PLEKHG1: variants seen among roughly 807,000 people sequenced by gnomAD.
PLEKHG1 encodes the protein pleckstrin homology domain-containing family G member 1.
In PLEKHG1, 44 loss-of-function variants were observed where a neutral mutation model predicts 100.8. The observed-to-expected ratio is 0.44, with a 90% CI of 0.34 to 0.56. The LOEUF (loss-of-function observed/expected upper bound fraction) is 0.56. Ranked by LOEUF, PLEKHG1 falls within the 20% of genes least tolerant of loss-of-function variation. The pLI is 0.01. For synonymous variants in PLEKHG1, 640 were observed against 662.5 expected, an observed-to-expected ratio of 0.97 and a Z score of 0.52; for missense variants, 1,545 against 1,720.9, an observed-to-expected ratio of 0.90 and a Z score of 1.81.
At chr6:150,742,487 C>A (rs1782921844) in intron 2 of PLEKHG1, among the ~76,000 whole-genome samples, 2 of 139,908 alleles carry the variant, frequency 1.4e-5, no homozygotes, top group African/African-American at 5.3e-5. Context: ...ATCAGTTGAA[C>A]CTGGGAGGCA....
At chr6:150,697,718 T>C (rs992064505) in intron 3 of PLEKHG1, among the ~76,000 whole-genome samples, 18 of 152,224 alleles carry the variant, frequency 1.2e-4, no homozygotes, top group Admixed American at 3.3e-4. Flanking sequence ...AGCCTCCTGC[T>C]GGAAGATTGA....
intron 3 of PLEKHG1, among the ~76,000 whole-genome samples, chr6:150,782,538 T>C (rs1034591415): frequency 1.3e-5 from 2 of 152,232 alleles, no homozygotes; most frequent in African/African-American, 2.4e-5. Context: ...TCCATACTTA[T>C]TGGAAATGCC....
intron 1 of PLEKHG1, among the ~76,000 whole-genome samples, chr6:150,615,368 T>C (rs917407247): frequency 2.6e-5 from 4 of 152,164 alleles, no homozygotes; most frequent in Non-Finnish European, 4.4e-5. Context: ...AACTTTCTAC[T>C]GGAATGTACA....
At chr6:150,705,878 G>T (rs566321796) in intron 3 of PLEKHG1, among the ~76,000 whole-genome samples, 1 of 152,154 alleles carries the variant, frequency 6.6e-6, no homozygotes, top group Non-Finnish European at 1.5e-5. Flanking sequence ...TGGCATGCAG[G>T]GTAGGGCTTC....
At chr6:150,818,251 C>G in intron 11 of PLEKHG1, 35 bp downstream of exon 12, 1 of 1,443,382 alleles carries the variant, frequency 6.9e-7, no homozygotes, top group South Asian at 1.2e-5. Flanking sequence ...TTTGAAATTT[C>G]ATTGTCTGTT....
chr6:150,827,723 C>G (rs1776692804), intron 14 of PLEKHG1: 1 of 1,291,924 alleles, frequency 7.7e-7, no homozygotes, highest in East Asian at 2.3e-5. Context: ...GGGTTTCTTA[C>G]CCGCCAAGGA....
chr6:150,667,190 T>G (rs1355083808), intron 3 of PLEKHG1, among the ~76,000 whole-genome samples: 58 of 152,224 alleles, frequency 3.8e-4, no homozygotes, highest in Admixed American at 3.7e-3. Context: ...ATATTAGGGT[T>G]GGGTCTGCAT....
At chr6:150,688,103 A>G (rs1178593830) in intron 3 of PLEKHG1, among the ~76,000 whole-genome samples, 4 of 152,198 alleles carry the variant, frequency 2.6e-5, no homozygotes, top group Admixed American at 2.6e-4. Flanking sequence ...CCAAAGGATG[A>G]GTGATTATTT....
chr6:150,732,622 T>C (rs1487296720), intron 1 of PLEKHG1, among the ~76,000 whole-genome samples: 1 of 152,242 alleles, frequency 6.6e-6, no homozygotes, highest in African/African-American at 2.4e-5. Context: ...ACATGCTGTT[T>C]GTTGTTTTGT....
At chr6:150,760,011 G>A (rs1269878965) in intron 2 of PLEKHG1, among the ~76,000 whole-genome samples, 1 of 151,998 alleles carries the variant, frequency 6.6e-6, no homozygotes, top group East Asian at 1.9e-4. Flanking sequence ...AAAGAAAAAA[G>A]AGAAACCAAT....
At chr6:150,688,707 G>A (rs1780234048) in intron 3 of PLEKHG1, among the ~76,000 whole-genome samples, 1 of 152,134 alleles carries the variant, frequency 6.6e-6, no homozygotes. Context: ...AATATTCAGA[G>A]CTTTGCAAGG....
At chr6:150,666,821 C>T (rs6557550) in intron 3 of PLEKHG1, among the ~76,000 whole-genome samples, 7,000 of 150,522 alleles carry the variant, frequency 0.047, 542 homozygotes, top group African/African-American at 0.16. Context: ...AGTGCAGTGG[C>T]GCAATCTCGG....
At chr6:150,743,286 C>T (rs1782979759) in intron 2 of PLEKHG1, among the ~76,000 whole-genome samples, 1 of 152,056 alleles carries the variant, frequency 6.6e-6, no homozygotes, top group Non-Finnish European at 1.5e-5. Flanking sequence ...TTGGGACAGC[C>T]AAGGCAGGCA....
chr6:150,761,113 T>C (rs1583073378), intron 2 of PLEKHG1, among the ~76,000 whole-genome samples: 1 of 143,936 alleles, frequency 6.9e-6, no homozygotes, highest in Non-Finnish European at 1.5e-5. Context: ...TTTTTTTTTT[T>C]TTTTTTTTTT....
At chr6:150,795,813 T>C (rs761097720) in intron 4 of PLEKHG1, 43 bp from the exon 6 acceptor site, 3 of 1,167,622 alleles carry the variant, frequency 2.6e-6, no homozygotes. Flanking sequence ...ATGTTTATGT[T>C]TGTGCTTTGT....
chr6:150,631,361 A>G (rs1477482914), intron 1 of PLEKHG1, among the ~76,000 whole-genome samples: 2 of 152,134 alleles, frequency 1.3e-5, no homozygotes, highest in East Asian at 3.9e-4. Flanking sequence ...GCAGCTTTTC[A>G]GGTGATGGAC....
intron 3 of PLEKHG1, among the ~76,000 whole-genome samples, chr6:150,777,406 G>A (rs1321874145): frequency 6.8e-6 from 1 of 147,770 alleles, no homozygotes; most frequent in East Asian, 2.0e-4. Flanking sequence ...ATGTGTGGTT[G>A]CACATTACTC....
chr6:150,733,935 G>A, exon 2 of PLEKHG1: 2 of 1,614,210 alleles, frequency 1.2e-6, no homozygotes, highest in Non-Finnish European at 1.7e-6. Context: ...GGCAGCGAAA[G>A]GCCACCCAGA....
chr6:150,793,910 C>G (rs1786149282), intron 4 of PLEKHG1, among the ~76,000 whole-genome samples: 1 of 151,740 alleles, frequency 6.6e-6, no homozygotes, highest in Non-Finnish European at 1.5e-5. Context: ...GGTGAAACCC[C>G]ATCTCCACTA....
Sources: allele counts gnomAD v4.1 joint callset (sites outside exome capture counted in the v4.1 genomes callset), GRCh38; gene constraint gnomAD v4.1.1; transcripts MANE v1.5; gene names NCBI Gene and HGNC (gene_info 2026-07-23, HGNC 2026-07-21).